ANKRD44: variants seen among roughly 807,000 people sequenced by gnomAD.
ANKRD44 encodes serine/threonine-protein phosphatase 6 regulatory ankyrin repeat subunit B.
A neutral mutation model predicts 116.0 loss-of-function variants in ANKRD44; 35 were observed. That is an observed-to-expected ratio of 0.30 (90% CI 0.23 to 0.40). The LOEUF (loss-of-function observed/expected upper bound fraction) is 0.40. Among genes scored for constraint, ANKRD44 ranks in the 10% least tolerant of loss-of-function variants. The pLI is 1.00. For synonymous variants in ANKRD44, 435 were observed against 461.8 expected, an observed-to-expected ratio of 0.94 and a Z score of 0.74; for missense variants, 1,014 against 1,242.6, an observed-to-expected ratio of 0.82 and a Z score of 2.77.
intron 16 of ANKRD44, among the ~76,000 whole-genome samples, chr2:197,039,815 A>C (rs1480141000): frequency 6.6e-6 from 1 of 152,074 alleles, no homozygotes; most frequent in Non-Finnish European, 1.5e-5. Flanking sequence ...TTTAGGATGC[A>C]AGAGAGTAAG....
chr2:197,260,032 C>T (rs772158782), intron 1 of ANKRD44, among the ~76,000 whole-genome samples: 11 of 152,148 alleles, frequency 7.2e-5, no homozygotes, highest in Admixed American at 2.0e-4. Flanking sequence ...GCCTGAAAAA[C>T]GGTAAGACTA....
chr2:197,027,788 C>A (rs988882174), intron 16 of ANKRD44, among the ~76,000 whole-genome samples: 1 of 150,620 alleles, frequency 6.6e-6, no homozygotes, highest in African/African-American at 2.4e-5. Flanking sequence ...CCAGGCTTAA[C>A]GGATTCTCCC....
intron 1 of ANKRD44, among the ~76,000 whole-genome samples, chr2:197,291,093 T>C (rs1459992394): frequency 1.3e-5 from 2 of 152,112 alleles, no homozygotes; most frequent in Non-Finnish European, 2.9e-5. Context: ...CCTGTAACCC[T>C]AGCTACTTAG....
intron 17 of ANKRD44, among the ~76,000 whole-genome samples, chr2:197,016,348 G>A (rs367749996): frequency 6.6e-6 from 1 of 151,956 alleles, no homozygotes; most frequent in South Asian, 2.1e-4. Context: ...CTTGTAAATT[G>A]GGGTAGTGGT....
chr2:197,122,623 T>G, intron 7 of ANKRD44, 27 bp downstream of exon 7: 1 of 1,607,060 alleles, frequency 6.2e-7, no homozygotes, highest in East Asian at 2.2e-5. Context: ...ACACTGGCCA[T>G]GCATTGATGC....
Position 197,202,501 on chromosome 2 carries a change from G to C in ANKRD44, c.28-15395C>G, listed in dbSNP as rs926608848. Among the ~76,000 whole-genome samples the C allele has an allele frequency of 2.0e-5, 3 of 152,294 alleles. 1 individual carries two copies. In the East Asian group the frequency reaches 5.8e-4, roughly 29 times the overall value. On this transcript the variant is annotated intron_variant, in intron 1 of 27. Transcript: ENST00000282272. Reference sequence around the variant, plus strand: ...AAGCTTGATGCACACAGCAGGGGAAGTAGCAGGACCAAGCTGCTCAGAACT... The same window carrying C: ...AAGCTTGATGCACACAGCAGGGGAACTAGCAGGACCAAGCTGCTCAGAACT...
intron 2 of ANKRD44, among the ~76,000 whole-genome samples, chr2:197,155,660 A>C (rs557587342): frequency 6.6e-6 from 1 of 152,342 alleles, no homozygotes; most frequent in African/African-American, 2.4e-5. Context: ...CCCTAAACAA[A>C]AATTAAATCA....
chr2:197,147,884 C>T (rs1444204772), intron 2 of ANKRD44: 1 of 455,810 alleles, frequency 2.2e-6, no homozygotes, highest in African/African-American at 2.0e-5. Flanking sequence ...TTGATATTAT[C>T]TCTGTTTTAT....
At chr2:197,263,990 T>G (rs1395625941) in intron 1 of ANKRD44, among the ~76,000 whole-genome samples, 1 of 152,202 alleles carries the variant, frequency 6.6e-6, no homozygotes, top group African/African-American at 2.4e-5. Context: ...TACAGTGGTA[T>G]GCATCTGTAG....
chr2:197,100,351 C>T (rs1250185012), intron 9 of ANKRD44, among the ~76,000 whole-genome samples: 1 of 152,134 alleles, frequency 6.6e-6, no homozygotes, highest in East Asian at 1.9e-4. Flanking sequence ...AGGAGAATCG[C>T]TTGGACCTGG....
rs767101123 is a variant in ANKRD44, at chr2:197,005,853, G to A, written c.2188C>T (p.Leu730Phe). Residue 730 changes from leucine to phenylalanine, a missense_variant, in exon 21 of 28, where the codon CTC becomes TTC. Physicochemically the swap from Leu to Phe is conservative, Grantham distance 22. Transcript: ENST00000282272. The stretch of plus-strand genomic sequence containing the variant: ...GTCCTCCCTCTGGAATCTTTACAGA[G>A]AATTGACACTTCTTGTTCCAGCAGC... ...QMLLEQEVSILCKDSRGRTPL... is the reference protein window; with the variant it reads ...QMLLEQEVSIFCKDSRGRTPL... 1 of 1,614,262 alleles carries A rather than the reference G, an allele frequency of 6.2e-7. No individual in the cohort carries two copies. The highest frequency in any genetic ancestry group is 2.2e-5 in the East Asian group (1 of 44,890).
chr2:197,247,981 G>C (rs1014906927), intron 1 of ANKRD44, among the ~76,000 whole-genome samples: 1 of 151,936 alleles, frequency 6.6e-6, no homozygotes, highest in Non-Finnish European at 1.5e-5. Flanking sequence ...TAATCACTAG[G>C]GACACGGCCT....
intron 1 of ANKRD44, among the ~76,000 whole-genome samples, chr2:197,199,574 T>C (rs2081045783): frequency 6.6e-6 from 1 of 152,200 alleles, no homozygotes; most frequent in Non-Finnish European, 1.5e-5. Context: ...TATCGTTATT[T>C]ATTATCAGAA....
intron 16 of ANKRD44, among the ~76,000 whole-genome samples, chr2:197,068,945 T>A (rs1443759523): frequency 3.3e-5 from 5 of 152,228 alleles, no homozygotes; most frequent in African/African-American, 4.8e-5. Flanking sequence ...ATCCCATTAC[T>A]GGGTATATAC....
In ANKRD44 at chr2:197,140,144, A is replaced by G. The variant is rs146248044; in HGVS notation, c.191-3482T>C. 3.2e-3 allele frequency among the ~76,000 whole-genome samples: 484 copies of G among 152,098 alleles called. 1 individual carries two copies. The highest frequency in any genetic ancestry group is 0.011 in the African/African-American group (457 of 41,450). ...TGATCTACCTGCCTCAGGTGCAAGTATTTGTCTAGGATAAATAATTTAAAA... is the reference window on the plus strand; with the variant it reads ...TGATCTACCTGCCTCAGGTGCAAGTGTTTGTCTAGGATAAATAATTTAAAA... On this transcript the variant is annotated intron_variant, in intron 3 of 27. Transcript: ENST00000282272.
intron 16 of ANKRD44, among the ~76,000 whole-genome samples, chr2:197,033,666 CTTTT>C (rs59226408): frequency 6.9e-6 from 1 of 144,140 alleles, no homozygotes; most frequent in African/African-American, 2.5e-5. Context: ...GTTGTTGTTG[CTTTT>C]TTTTTTTTTA....
At chr2:197,238,605 T>C (rs1240797482) in intron 1 of ANKRD44, among the ~76,000 whole-genome samples, 1 of 152,154 alleles carries the variant, frequency 6.6e-6, no homozygotes, top group African/African-American at 2.4e-5. Flanking sequence ...AAGAAAGATA[T>C]ATATATATTT....
chr2:197,295,101 C>A (rs1381352842), intron 1 of ANKRD44, among the ~76,000 whole-genome samples: 2 of 152,128 alleles, frequency 1.3e-5, no homozygotes, highest in Non-Finnish European at 2.9e-5. Flanking sequence ...TGAAAGCATA[C>A]CAAAAAAGCT....
At chr2:197,269,642 TC>T (rs2082842137) in intron 1 of ANKRD44, among the ~76,000 whole-genome samples, 1 of 152,138 alleles carries the variant, frequency 6.6e-6, no homozygotes, top group African/African-American at 2.4e-5. Flanking sequence ...TGGTGGCATT[TC>T]TTTAAGCCAT....
Sources: gnomAD v4.1 joint callset for allele counts (sites outside exome capture counted in the v4.1 genomes callset) on GRCh38, gnomAD v4.1.1 for gene constraint, MANE v1.5 for transcripts, NCBI Gene and HGNC (gene_info 2026-07-23, HGNC 2026-07-21) for gene names.